The following MYRIP variants were observed in gnomAD, a reference collection of about 807,000 sequenced individuals.
MYRIP encodes myosin VIIA and Rab interacting protein, also known as rab effector MyRIP.
In MYRIP, 49 loss-of-function variants were observed where a neutral mutation model predicts 98.0. The observed-to-expected ratio is 0.50, with a 90% confidence interval of 0.40 to 0.63. MYRIP has a LOEUF of 0.63. MYRIP is among the 30% of genes least tolerant of loss of function. The probability of loss-of-function intolerance (pLI) is 0.00; values close to 1 mark genes in which losing one functional copy is unlikely to be tolerated. For synonymous variants in MYRIP, 404 were observed against 409.5 expected, an observed-to-expected ratio of 0.99 and a Z score of 0.16; for missense variants, 1,004 against 1,058.2, an observed-to-expected ratio of 0.95 and a Z score of 0.71.
At chr3:39,908,774 A>C (rs1021964242) in intron 2 of MYRIP, among the ~76,000 whole-genome samples, 1 of 152,264 alleles carries the variant, frequency 6.6e-6, no homozygotes, top group African/African-American at 2.4e-5. Context: ...CACTTAAATT[A>C]AGCTAATGAA....
rs550748032 is a variant in MYRIP at position 40,168,819 on chromosome 3, C to T, written c.730-1131C>T. Reference sequence around the variant, plus strand: ...AGCAAGTCACACATCGAGCCCAAAGCCAAGGGCTGGGACGTAGATTCTCCC... The same window carrying T: ...AGCAAGTCACACATCGAGCCCAAAGTCAAGGGCTGGGACGTAGATTCTCCC... On this transcript the variant is annotated intron_variant, in intron 7 of 16. Transcript: ENST00000302541. Among the ~76,000 whole-genome samples, 4 of 152,312 alleles carry T rather than the reference C, an allele frequency of 2.6e-5. No homozygotes were observed. The South Asian group carries it at 8.3e-4, about 32-fold the overall frequency.
At chr3:40,029,281 T>C (rs1947206852) in intron 2 of MYRIP, among the ~76,000 whole-genome samples, 2 of 152,192 alleles carry the variant, frequency 1.3e-5, no homozygotes, top group Non-Finnish European at 2.9e-5. Context: ...TAACATTTTA[T>C]TCAGCCAAGT....
At chr3:40,129,980 T>C (rs1949605095) in intron 3 of MYRIP, among the ~76,000 whole-genome samples, 1 of 152,224 alleles carries the variant, frequency 6.6e-6, no homozygotes, top group African/African-American at 2.4e-5. Flanking sequence ...ATACAACAAG[T>C]CCCTTGAAGT....
At chr3:39,952,991 G>A (rs1280213409) in intron 2 of MYRIP, among the ~76,000 whole-genome samples, 1 of 152,112 alleles carries the variant, frequency 6.6e-6, no homozygotes, top group Non-Finnish European at 1.5e-5. Flanking sequence ...CTTCATGTTG[G>A]TTGTCCCAAA....
intron 2 of MYRIP, among the ~76,000 whole-genome samples, chr3:39,993,722 G>C (rs1431549065): frequency 6.6e-6 from 1 of 152,182 alleles, no homozygotes. Context: ...CTACTTCTCT[G>C]TCTTCCCCCT....
At chr3:40,049,425 G>A (rs1947740248) in intron 3 of MYRIP, among the ~76,000 whole-genome samples, 3 of 152,000 alleles carry the variant, frequency 2.0e-5, no homozygotes, top group Admixed American at 6.6e-5. Context: ...GATCTTTGAT[G>A]TTACTATTAT....
chr3:40,111,715 A>G (rs1949160899), intron 3 of MYRIP, among the ~76,000 whole-genome samples: 1 of 152,070 alleles, frequency 6.6e-6, no homozygotes, highest in Non-Finnish European at 1.5e-5. Context: ...TTTATCTGAC[A>G]TATTGGAGAT....
chr3:40,104,346 A>C (rs190120059), intron 3 of MYRIP, among the ~76,000 whole-genome samples: 1 of 152,346 alleles, frequency 6.6e-6, no homozygotes, highest in African/African-American at 2.4e-5. Flanking sequence ...AAGTCACCCC[A>C]AATAATATTC....
Position 39,816,878 on chromosome 3 carries a change from A to G in MYRIP, c.-31+6962A>G, listed in dbSNP as rs575944179. 4.6e-5 allele frequency among the ~76,000 whole-genome samples: 7 copies of G among 152,338 alleles called. No individual in the cohort carries two copies. The East Asian group carries it at 7.7e-4, about 17-fold the overall frequency. On this transcript the variant is annotated intron_variant, in intron 1 of 16. Coordinates refer to ENST00000302541, the MANE Select transcript of MYRIP (RefSeq NM_015460.4). The stretch of plus-strand genomic sequence containing the variant: ...TATACATAAATCCAAACCTTATAAA[A>G]TATTCATTTTCTGAATCTCACTAGT...
intron 1 of MYRIP, among the ~76,000 whole-genome samples, chr3:39,898,297 T>C (rs1045509188): frequency 6.6e-6 from 1 of 152,178 alleles, no homozygotes; most frequent in Admixed American, 6.5e-5. Flanking sequence ...TAGTTGGAAT[T>C]CCTGTTGTGA....
chr3:40,111,079 A>G (rs911234042), intron 3 of MYRIP, among the ~76,000 whole-genome samples: 1 of 152,174 alleles, frequency 6.6e-6, no homozygotes, highest in Admixed American at 6.5e-5. Context: ...TGGCAAAGTT[A>G]GACCCCAGGG....
chr3:39,863,473 C>T (rs1317227457), intron 1 of MYRIP, among the ~76,000 whole-genome samples: 1 of 151,304 alleles, frequency 6.6e-6, no homozygotes, highest in African/African-American at 2.4e-5. Flanking sequence ...GACATTACCA[C>T]CAACACCACA....
chr3:40,252,156 A>C (rs1953396526), intron 16 of MYRIP, among the ~76,000 whole-genome samples, 157 bp downstream of exon 16: 1 of 152,170 alleles, frequency 6.6e-6, no homozygotes, highest in Non-Finnish European at 1.5e-5. Flanking sequence ...GGGTGGACTT[A>C]GCAGTAAACC....
chr3:39,839,081 T>C lies in MYRIP; in HGVS notation c.-31+29165T>C, dbSNP rs148586393. ...ATTGTGTCTATTTGATTCTTCTCTC[T>C]TTTCTTCTTGATTAGTCTGGCTAGT... On this transcript the variant is annotated intron_variant, in intron 1 of 16. Coordinates refer to ENST00000302541, the MANE Select transcript of MYRIP (RefSeq NM_015460.4). Among the ~76,000 whole-genome samples the C allele has an allele frequency of 8.1e-3, 1,229 of 152,266 alleles. 11 individuals carry two copies. Among genetic ancestry groups the C allele is most frequent in the African/African-American group, 0.028 (1,160 of 41,560 alleles).
intron 2 of MYRIP, among the ~76,000 whole-genome samples, chr3:39,981,088 C>G (rs1945882767): frequency 6.6e-6 from 1 of 152,156 alleles, no homozygotes; most frequent in African/African-American, 2.4e-5. Context: ...ACATAAGTGT[C>G]ATGGAATTTT....
chr3:39,948,361 C>T (rs1254755112), intron 2 of MYRIP, among the ~76,000 whole-genome samples: 1 of 152,024 alleles, frequency 6.6e-6, no homozygotes, highest in African/African-American at 2.4e-5. Context: ...AAGTAAAAGC[C>T]AGAGGCAGTA....
intron 10 of MYRIP, among the ~76,000 whole-genome samples, chr3:40,204,091 TATATA>T (rs1334043254): frequency 5.7e-4 from 4 of 7,002 alleles, no homozygotes; most frequent in South Asian, 5.4e-3. Context: ...ATTTATATAT[TATATA>T]ATATATTATA....
chr3:40,204,057 TATATAATA>T (rs1180418846), intron 10 of MYRIP, among the ~76,000 whole-genome samples: 1 of 6,356 alleles, frequency 1.6e-4, no homozygotes, highest in African/African-American at 2.6e-4. Context: ...AATATATTTA[TATATAATA>T]AATATTATAT....
intron 1 of MYRIP, among the ~76,000 whole-genome samples, chr3:39,860,886 C>T (rs1261205812): frequency 8.5e-5 from 13 of 152,192 alleles, no homozygotes; most frequent in Non-Finnish European, 1.6e-4. Flanking sequence ...AGGCACCAGC[C>T]CCATACCTGC....
Sources: allele counts gnomAD v4.1 joint callset (sites outside exome capture counted in the v4.1 genomes callset), GRCh38; gene constraint gnomAD v4.1.1; transcripts MANE v1.5; gene names NCBI Gene and HGNC (gene_info 2026-07-23, HGNC 2026-07-21).